Variants in WDR70 observed in about 807,000 individuals in gnomAD.
WDR70 encodes WD repeat-containing protein 70.
Under a neutral mutation model 88.6 loss-of-function variants are expected in WDR70, and 53 were observed. The observed-to-expected ratio is 0.60, with a 90% CI of 0.48 to 0.75. WDR70 has a LOEUF of 0.75. WDR70 is among the 30% of genes least tolerant of loss of function. The pLI, the probability that WDR70 is intolerant of heterozygous loss-of-function variation, is 0.00. For missense variants in WDR70, 610 were observed against 823.2 expected (o/e 0.74, Z 3.17); for synonymous variants, 280 against 270.0 (o/e 1.04, Z -0.36).
At position 37,570,854 on chromosome 5, in the gene WDR70, C is replaced by A. The variant is rs181910130; in HGVS notation, c.918-34210C>A. Among the ~76,000 whole-genome samples, 8 of 152,224 alleles carry A rather than the reference C, an allele frequency of 5.3e-5. No homozygotes were observed. The East Asian group carries it at 1.5e-3, about 29-fold the overall frequency. ...CACCCAGTCTTCCTTCCAGATGTTT[C>A]TCAAATAGTCCCTCCTCTATGAAGC... On this transcript the variant is annotated intron_variant, in intron 9 of 17. Coordinates refer to ENST00000265107, the MANE Select transcript of WDR70 (RefSeq NM_018034.4).
At chr5:37,694,105 C>T (rs1056845081) in intron 10 of WDR70, among the ~76,000 whole-genome samples, 5 of 152,152 alleles carry the variant, frequency 3.3e-5, no homozygotes, top group Admixed American at 6.5e-5. Flanking sequence ...AAATGCTCAT[C>T]GTCACTGATT....
chr5:37,475,843 A>ATTTTT (rs35126157), intron 7 of WDR70, among the ~76,000 whole-genome samples: 1 of 120,642 alleles, frequency 8.3e-6, no homozygotes, highest in Non-Finnish European at 1.6e-5. Flanking sequence ...TGCATTACAT[A>ATTTTT]TTTTTTTTTT....
rs184219398 is a variant in WDR70 at position 37,650,625 on chromosome 5, T to C, written c.1092+45387T>C. Among the ~76,000 whole-genome samples, 340 of 152,252 alleles carry C rather than the reference T, an allele frequency of 2.2e-3. 2 individuals are homozygous for C. Among genetic ancestry groups the C allele is most frequent in the African/African-American group, 7.9e-3 (329 of 41,548 alleles). ...GATATAGTACATGTAAGTGGAGATA[T>C]TCAGTATCATTAACATAAAAGGCTT... On this transcript the variant is annotated intron_variant, in intron 10 of 17. Transcript: ENST00000265107.
intron 5 of WDR70, among the ~76,000 whole-genome samples, chr5:37,430,484 T>C (rs933119395): frequency 2.6e-5 from 4 of 152,248 alleles, no homozygotes; most frequent in Non-Finnish European, 5.9e-5. Flanking sequence ...TTTTCCACAT[T>C]GATTAAAATC....
rs192447574 is a variant in WDR70, at chr5:37,457,874, C to T, written c.686+14502C>T. Among the ~76,000 whole-genome samples the T allele has an allele frequency of 4.6e-3, 692 of 151,726 alleles. 4 individuals are homozygous for T. The highest frequency in any genetic ancestry group is 0.01 in the Middle Eastern group (3 of 294). ...CTTCCAACACTATGTTGAATAGGAG[C>T]GGTGAGAGAGGGCATCCCTGTCTTG... On this transcript the variant is annotated intron_variant, in intron 7 of 17. Coordinates refer to ENST00000265107, the MANE Select transcript of WDR70 (RefSeq NM_018034.4).
intron 10 of WDR70, among the ~76,000 whole-genome samples, chr5:37,681,417 T>A (rs2112618127): frequency 6.6e-6 from 1 of 152,334 alleles, no homozygotes; most frequent in Admixed American, 6.5e-5. Context: ...GGATGCCCGT[T>A]ATTTCTTTCT....
intron 9 of WDR70, among the ~76,000 whole-genome samples, chr5:37,528,568 T>A (rs988524022): frequency 4.6e-5 from 7 of 152,156 alleles, no homozygotes; most frequent in Non-Finnish European, 8.8e-5. Flanking sequence ...ACATGGCACA[T>A]GTAAACATAT....
intron 9 of WDR70, among the ~76,000 whole-genome samples, chr5:37,571,254 A>G (rs1742898328): frequency 6.6e-6 from 1 of 152,208 alleles, no homozygotes. Context: ...CTCTAACAAC[A>G]TTCAAATACA....
intron 17 of WDR70, among the ~76,000 whole-genome samples, chr5:37,737,035 A>C (rs6867232): frequency 1.4e-4 from 21 of 152,174 alleles, no homozygotes; most frequent in Admixed American, 1.2e-3. Context: ...GTTTAACATA[A>C]AAATTAATTT....
chr5:37,523,193 C>T (rs1420201632), intron 9 of WDR70, among the ~76,000 whole-genome samples: 2 of 152,210 alleles, frequency 1.3e-5, no homozygotes, highest in Non-Finnish European at 2.9e-5. Flanking sequence ...TCAAGAGGTC[C>T]CTGACCCCTG....
intron 9 of WDR70, among the ~76,000 whole-genome samples, chr5:37,538,915 T>C (rs1265186360): frequency 6.6e-6 from 1 of 152,240 alleles, no homozygotes; most frequent in East Asian, 1.9e-4. Flanking sequence ...AACTATTTTC[T>C]AATTTGAATT....
intron 9 of WDR70, among the ~76,000 whole-genome samples, chr5:37,523,677 T>G (rs925846255): frequency 1.3e-5 from 2 of 152,084 alleles, no homozygotes; most frequent in African/African-American, 4.8e-5. Context: ...CGATCAAACT[T>G]CTCCGAGTTA....
chr5:37,551,325 A>C (rs1742138626), intron 9 of WDR70, among the ~76,000 whole-genome samples: 1 of 151,404 alleles, frequency 6.6e-6, no homozygotes, highest in Non-Finnish European at 1.5e-5. Flanking sequence ...CAAAAAAAAA[A>C]TTACAACAAC....
At chr5:37,480,120 C>A in intron 8 of WDR70, 133 bp downstream of exon 8, 1 of 1,150,824 alleles carries the variant, frequency 8.7e-7, no homozygotes, top group Non-Finnish European at 1.2e-6. Context: ...TTCTCACAAT[C>A]ATGTGGATTG....
chr5:37,613,016 T>C (rs1002604266), intron 10 of WDR70, among the ~76,000 whole-genome samples: 3 of 152,212 alleles, frequency 2.0e-5, no homozygotes, highest in Non-Finnish European at 4.4e-5. Context: ...TCAATTATTT[T>C]CATAGAGTTA....
At chr5:37,401,225 G>A (rs1407268557) in intron 5 of WDR70, among the ~76,000 whole-genome samples, 1 of 123,942 alleles carries the variant, frequency 8.1e-6, no homozygotes, top group African/African-American at 3.1e-5. Context: ...TGCCCAGCTC[G>A]TCTCAAACTC....
chr5:37,730,444 G>A (rs1748112928), intron 17 of WDR70, among the ~76,000 whole-genome samples: 1 of 17,086 alleles, frequency 5.9e-5, no homozygotes, highest in African/African-American at 1.5e-4. Context: ...AAGTCATATT[G>A]ATTTGCTTTT....
intron 10 of WDR70, among the ~76,000 whole-genome samples, chr5:37,684,012 C>T (rs556884555): frequency 2.4e-4 from 37 of 152,140 alleles, no homozygotes; most frequent in Admixed American, 1.6e-3. Flanking sequence ...TACATAATCT[C>T]GTATTTCTCA....
At chr5:37,705,141 G>A (rs558514890) in intron 13 of WDR70, among the ~76,000 whole-genome samples, 1 of 152,262 alleles carries the variant, frequency 6.6e-6, no homozygotes, top group South Asian at 2.1e-4. Flanking sequence ...GGACTTCTGT[G>A]TAGAGATACT....
Sources: gnomAD v4.1 joint callset for allele counts (sites outside exome capture counted in the v4.1 genomes callset) on GRCh38, gnomAD v4.1.1 for gene constraint, MANE v1.5 for transcripts, NCBI Gene and HGNC (gene_info 2026-07-23, HGNC 2026-07-21) for gene names.